Variants in RIMBP2 observed in about 807,000 individuals in gnomAD.
The protein encoded by RIMBP2 is RIMS-binding protein 2.
A neutral mutation model predicts 118.6 loss-of-function variants in RIMBP2; 48 were observed. The ratio of observed to expected loss-of-function variants is 0.40; its 90% CI spans 0.32 to 0.51. The LOEUF (loss-of-function observed/expected upper bound fraction) is 0.51, where lower values mean the gene tolerates loss of function less well. Among genes scored for constraint, RIMBP2 ranks in the 20% least tolerant of loss-of-function variants. The pLI is 0.41. For missense variants in RIMBP2, 1,551 were observed against 1,768.3 expected (o/e 0.88, Z 2.20); for synonymous variants, 762 against 742.9 (o/e 1.03, Z -0.42).
chr12:130,677,128 C>G (rs963986240), intron 1 of RIMBP2, among the ~76,000 whole-genome samples: 12 of 152,112 alleles, frequency 7.9e-5, no homozygotes, highest in African/African-American at 2.7e-4. Flanking sequence ...GTTGTTACGA[C>G]TAGGGTGGGG....
At chr12:130,569,877 G>A (rs1287012912) in intron 2 of RIMBP2, among the ~76,000 whole-genome samples, 1 of 152,136 alleles carries the variant, frequency 6.6e-6, no homozygotes, top group African/African-American at 2.4e-5. Flanking sequence ...TATATGGCCT[G>A]ATACAACATG....
chr12:130,424,792 G>A lies in RIMBP2; in HGVS notation c.2479C>T (p.His827Tyr), dbSNP rs1235463680. 2.4e-6 allele frequency: 3 copies of A among 1,232,916 alleles called. No individual in the cohort carries two copies. The highest frequency in any genetic ancestry group is 4.1e-5 in the South Asian group (1 of 24,330). The allele number at this position is 1,232,916 out of a possible 1,614,324, so 76.4% of individuals were successfully genotyped here. The change falls in exon 16 of 23, where the codon CAC (histidine) becomes TAC (tyrosine). Residue 827 changes from histidine (H) to tyrosine (Y), a missense_variant. Around this residue, in one of 5 missense-constraint regions of RIMBP2, gnomAD observed 1,038 missense variants for 1,125.1 expected, o/e 0.92. Coordinates refer to ENST00000690449, the MANE Select transcript of RIMBP2 (RefSeq NM_001393629.1). The surrounding 1 kb of genome is among the most constrained non-coding windows in gnomAD (Gnocchi z 9.8). ...GGGATACTGAAAAGTCTCTTCCTGTGGGGCTGGTGGGGAAACTCGGGCTGC... is the reference window on the plus strand; with the variant it reads ...GGGATACTGAAAAGTCTCTTCCTGTAGGGCTGGTGGGGAAACTCGGGCTGC... ...WEQPEFPHQP[H>Y]RKRLFSIPEV...
intron 1 of RIMBP2, among the ~76,000 whole-genome samples, chr12:130,706,865 G>A (rs1046028087): frequency 1.3e-5 from 2 of 152,176 alleles, no homozygotes; most frequent in African/African-American, 4.8e-5. Context: ...CCCAAATGCC[G>A]CAGGCTCATT....
At chr12:130,590,458 T>C (rs532361500) in intron 2 of RIMBP2, among the ~76,000 whole-genome samples, 1 of 152,254 alleles carries the variant, frequency 6.6e-6, no homozygotes, top group Admixed American at 6.5e-5. Context: ...CCCGCCAGAA[T>C]AAGCAATTCC....
At chr12:130,564,253 G>A (rs982960634) in intron 2 of RIMBP2, among the ~76,000 whole-genome samples, 10 of 151,938 alleles carry the variant, frequency 6.6e-5, no homozygotes, top group Non-Finnish European at 8.8e-5. Flanking sequence ...TTCATCCGAC[G>A]CCACCCTGAC....
chr12:130,618,712 G>A (rs922679601), intron 2 of RIMBP2, among the ~76,000 whole-genome samples: 2 of 152,152 alleles, frequency 1.3e-5, no homozygotes, highest in Non-Finnish European at 2.9e-5. Context: ...GTGCCTAGAC[G>A]GAAACATCTT....
intron 4 of RIMBP2, among the ~76,000 whole-genome samples, chr12:130,503,345 G>C (rs2049985003): frequency 6.6e-6 from 1 of 151,558 alleles, no homozygotes. Flanking sequence ...GCAGTGAGTT[G>C]AGATCATGCC....
intron 2 of RIMBP2, among the ~76,000 whole-genome samples, chr12:130,603,841 T>C (rs2060006344): frequency 1.3e-5 from 2 of 152,232 alleles, no homozygotes; most frequent in African/African-American, 4.8e-5. Context: ...TCCTGCAAAG[T>C]ACATCATGCT....
At position 130,442,595 on chromosome 12, in the gene RIMBP2, CGTT is replaced by C. The variant is rs2078221612; in HGVS notation, c.754_756del (p.Asn252del). Reference sequence around the variant, plus strand: ...CCCAGCGTGCTTGCCAACCGCGACTCGTTGTCCTGCACAAAGTCCACGAAGTTG... The same window carrying C: ...CCCAGCGTGCTTGCCAACCGCGACTCGTCCTGCACAAAGTCCACGAAGTTG... On this transcript the variant is annotated inframe_deletion, in exon 11 of 23. Coordinates refer to ENST00000690449, the MANE Select transcript of RIMBP2 (RefSeq NM_001393629.1). This position sits in a 1 kb window ranked among gnomAD's most constrained non-coding sequence, Gnocchi z 6.9. 9 of 1,614,100 alleles carry C rather than the reference CGTT, an allele frequency of 5.6e-6. No homozygotes were observed. The highest frequency in any genetic ancestry group is 7.6e-6 in the Non-Finnish European group (9 of 1,180,048).
At chr12:130,548,425 T>A (rs2139674900) in intron 2 of RIMBP2, among the ~76,000 whole-genome samples, 1 of 152,330 alleles carries the variant, frequency 6.6e-6, no homozygotes, top group African/African-American at 2.4e-5. Context: ...CAGCTAAAGC[T>A]AAGATTGTGA....
intron 6 of RIMBP2, among the ~76,000 whole-genome samples, chr12:130,468,737 G>A (rs1452936558): frequency 6.6e-5 from 10 of 152,114 alleles, no homozygotes; most frequent in Non-Finnish European, 1.3e-4. Context: ...CGAATTAACC[G>A]AATTCAGGGT....
At chr12:130,647,264 G>A (rs892230570) in intron 1 of RIMBP2, among the ~76,000 whole-genome samples, 1 of 152,202 alleles carries the variant, frequency 6.6e-6, no homozygotes, top group African/African-American at 2.4e-5. Context: ...TCGGGACGCT[G>A]AGGCAGGAGA....
At chr12:130,614,905 T>C (rs1434021675) in intron 2 of RIMBP2, among the ~76,000 whole-genome samples, 1 of 149,362 alleles carries the variant, frequency 6.7e-6, no homozygotes, top group Non-Finnish European at 1.5e-5. Flanking sequence ...ATATGTACTT[T>C]ACAAAATGTT....
intron 6 of RIMBP2, 58 bp from the exon 7 acceptor site, chr12:130,456,758 G>A (rs2079481557): frequency 7.5e-7 from 1 of 1,335,494 alleles, no homozygotes; most frequent in East Asian, 2.4e-5. Context: ...GGAAATGTGT[G>A]TGCGCCTGTT....
intron 2 of RIMBP2, among the ~76,000 whole-genome samples, chr12:130,583,710 C>T (rs1007346191): frequency 2.0e-5 from 3 of 149,822 alleles, no homozygotes; most frequent in Non-Finnish European, 3.0e-5. Context: ...TCACCACCAC[C>T]GCCATCACCT....
Position 130,446,045 on chromosome 12 carries a change from TAA to T in RIMBP2, c.582-778_582-777del, listed in dbSNP as rs1014643266. Among the ~76,000 whole-genome samples the T allele has an allele frequency of 7.0e-6, 1 of 142,026 alleles. No individual in the cohort carries two copies. Among genetic ancestry groups the T allele is most frequent in the African/African-American group, 2.7e-5 (1 of 37,574 alleles). 93.2% of individuals were successfully genotyped at this position (142,026 alleles called of 152,430 possible). A position where few individuals can be genotyped will look rare whatever the true frequency, so the allele number is the denominator to read the frequency against. ...CCCCCCCCCCACACCCCCAGGAATA[TAA>T]GAGTATCCATATTCTCCAGTCCTCA... On this transcript the variant is annotated intron_variant, in intron 9 of 22. Transcript: ENST00000690449. The surrounding 1 kb of genome is among the most constrained non-coding windows in gnomAD (Gnocchi z 4.1).
Position 130,442,280 on chromosome 12 carries a change from G to A in RIMBP2, c.1072C>T (p.Arg358Cys), listed in dbSNP as rs188721857. The A allele has an allele frequency of 9.9e-6, 16 of 1,614,198 alleles. No homozygotes were observed. Among genetic ancestry groups the A allele is most frequent in the South Asian group, 4.4e-5 (4 of 91,084 alleles). The change falls in exon 11 of 23, where the codon CGC becomes TGC. Residue 358 changes from arginine to cysteine, a missense_variant. Around this residue, in one of 5 missense-constraint regions of RIMBP2, gnomAD observed 265 missense variants for 349.5 expected, o/e 0.76. Coordinates refer to ENST00000690449, the MANE Select transcript of RIMBP2 (RefSeq NM_001393629.1). The surrounding 1 kb of genome is among the most constrained non-coding windows in gnomAD (Gnocchi z 6.9). ...SYNVLVDKET[R>C]MNLTLGSRTK... ...CTGCTCCCCAGCGTGAGGTTCATGC[G>A]TGTCTCCTTGTCCACCAGGACGTTG...
chr12:130,594,185 G>A lies in RIMBP2; in HGVS notation c.-217+34137C>T, dbSNP rs148135685. On this transcript the variant is annotated intron_variant, in intron 2 of 22. Coordinates refer to ENST00000690449, the MANE Select transcript of RIMBP2 (RefSeq NM_001393629.1). The stretch of plus-strand genomic sequence containing the variant: ...GTTTCACTTTTGGGAAGAACCTTCC[G>A]TCATGTTGCACAGTCATGTGATGTC... Among the ~76,000 whole-genome samples the A allele has an allele frequency of 7.6e-3, 1,159 of 152,306 alleles. 7 individuals carry two copies. The highest frequency in any genetic ancestry group is 0.024 in the Admixed American group (360 of 15,302).
chr12:130,610,243 G>C (rs902970391), intron 2 of RIMBP2, among the ~76,000 whole-genome samples: 1 of 152,052 alleles, frequency 6.6e-6, no homozygotes, highest in Non-Finnish European at 1.5e-5. Context: ...TGGGAAGCCT[G>C]CTCCTCCCGG....
Sources: allele counts gnomAD v4.1 joint callset (sites outside exome capture counted in the v4.1 genomes callset), GRCh38; gene constraint gnomAD v4.1.1; regional missense constraint gnomAD v4.1.1; non-coding constraint Gnocchi (gnomAD v3.1); transcripts MANE v1.5; gene names NCBI Gene and HGNC (gene_info 2026-07-23, HGNC 2026-07-21).